Variants in MAGI1 observed in about 807,000 individuals in gnomAD.
The protein encoded by MAGI1 is membrane associated guanylate kinase, WW and PDZ domain containing 1.
A neutral mutation model predicts 139.9 loss-of-function variants in MAGI1; 58 were observed. That is an observed-to-expected ratio of 0.41 (90% confidence interval 0.34 to 0.52). MAGI1 has a LOEUF of 0.52. Among genes scored for constraint, MAGI1 ranks in the 20% least tolerant of loss-of-function variants. MAGI1 has a pLI of 0.12. For synonymous variants in MAGI1, 812 were observed against 737.9 expected, an observed-to-expected ratio of 1.10 and a Z score of -1.63; for missense variants, 1,874 against 1,901.6, an observed-to-expected ratio of 0.99 and a Z score of 0.27.
At chr3:65,956,122 G>C (rs2064115385) in intron 1 of MAGI1, among the ~76,000 whole-genome samples, 1 of 151,798 alleles carries the variant, frequency 6.6e-6, no homozygotes, top group Admixed American at 6.6e-5. Context: ...TAATGCTCTG[G>C]GTGAAATAAC....
chr3:65,682,213 C>A (rs2087640252), intron 1 of MAGI1, among the ~76,000 whole-genome samples: 1 of 152,068 alleles, frequency 6.6e-6, no homozygotes, highest in Admixed American at 6.6e-5. Context: ...GCATGCAAAG[C>A]CAGAAAAGGA....
At chr3:65,807,418 C>A (rs1250604637) in intron 1 of MAGI1, among the ~76,000 whole-genome samples, 3 of 152,188 alleles carry the variant, frequency 2.0e-5, no homozygotes, top group Admixed American at 2.0e-4. Flanking sequence ...GAGAGCTCCA[C>A]CCTCGTGACT....
At chr3:65,650,980 A>C (rs2085544168) in intron 1 of MAGI1, among the ~76,000 whole-genome samples, 1 of 152,224 alleles carries the variant, frequency 6.6e-6, no homozygotes, top group Non-Finnish European at 1.5e-5. Context: ...GTGTGTATAT[A>C]GTCAAAGTCT....
chr3:65,900,763 C>T (rs1363900264), intron 1 of MAGI1, among the ~76,000 whole-genome samples: 3 of 152,198 alleles, frequency 2.0e-5, no homozygotes, highest in African/African-American at 7.2e-5. Flanking sequence ...TCGCATAGAA[C>T]GCCATTACGC....
chr3:65,360,342 T>C, intron 22 of MAGI1: 2 of 979,080 alleles, frequency 2.0e-6, no homozygotes, highest in South Asian at 9.5e-5. Flanking sequence ...ATCTAGGGCA[T>C]AGCTTCTTCT....
chr3:65,445,237 C>T (rs1352721273), intron 7 of MAGI1, among the ~76,000 whole-genome samples: 3 of 152,170 alleles, frequency 2.0e-5, no homozygotes, highest in Non-Finnish European at 4.4e-5. Context: ...GGGCTACTTA[C>T]TTAACATCTC....
At chr3:65,554,908 C>T (rs927461008) in intron 2 of MAGI1, among the ~76,000 whole-genome samples, 21 of 152,132 alleles carry the variant, frequency 1.4e-4, no homozygotes, top group Non-Finnish European at 1.5e-5. Context: ...TCCTGCAACA[C>T]AAAAAGGACA....
chr3:65,359,296 T>C, intron 22 of MAGI1: 2 of 1,465,770 alleles, frequency 1.4e-6, no homozygotes, highest in South Asian at 2.9e-5. Flanking sequence ...AGAGAGTTTA[T>C]TTGTCCAGTC....
intron 1 of MAGI1, among the ~76,000 whole-genome samples, chr3:65,724,671 A>G (rs1019023976): frequency 6.6e-6 from 1 of 152,204 alleles, no homozygotes; most frequent in East Asian, 1.9e-4. Context: ...GGTAATTTAC[A>G]AAGGAAAGAG....
chr3:66,032,499 C>A (rs1333740708), intron 1 of MAGI1, among the ~76,000 whole-genome samples: 1 of 150,948 alleles, frequency 6.6e-6, no homozygotes, highest in Non-Finnish European at 1.5e-5. Flanking sequence ...GGATTACAGG[C>A]ATGAGCCACC....
In MAGI1 at chr3:65,390,990, A is replaced by G. The variant is rs1428777239; in HGVS notation, c.2416+152T>C. On this transcript the variant is annotated intron_variant, in intron 14 of 22. Transcript: ENST00000402939. ...AGTGGAGACTCCATGAATAGCCAGC[A>G]GAGTCCACTCCCTCTGTGATACTTT... 4.6e-6 allele frequency: 3 copies of G among 654,994 alleles called. No homozygotes were observed. The South Asian group carries it at 6.1e-5, about 13-fold the overall frequency. The allele number at this position is 654,994 out of a possible 1,614,324, so 40.6% of individuals were successfully genotyped here.
intron 1 of MAGI1, among the ~76,000 whole-genome samples, chr3:66,003,377 C>T (rs939314420): frequency 6.6e-6 from 1 of 152,068 alleles, no homozygotes; most frequent in Non-Finnish European, 1.5e-5. Flanking sequence ...AGAGGCAGGA[C>T]ATGCACGGTG....
At chr3:65,960,770 C>T (rs955061433) in intron 1 of MAGI1, among the ~76,000 whole-genome samples, 1 of 152,206 alleles carries the variant, frequency 6.6e-6, no homozygotes, top group Non-Finnish European at 1.5e-5. Flanking sequence ...TTCAACTCTT[C>T]CATTTCTGTC....
intron 1 of MAGI1, among the ~76,000 whole-genome samples, chr3:65,959,784 T>A (rs958129422): frequency 7.5e-6 from 1 of 133,672 alleles, no homozygotes; most frequent in African/African-American, 2.7e-5. Flanking sequence ...AATGGACAAA[T>A]AAATAAATTC....
intron 1 of MAGI1, among the ~76,000 whole-genome samples, chr3:65,699,756 T>C (rs184992426): frequency 0.15 from 21,128 of 139,326 alleles, 2,229 homozygotes; most frequent in Non-Finnish European, 0.24. Flanking sequence ...AGGGATAGCA[T>C]TGGGAGATAT....
At chr3:65,991,029 C>G (rs2107356923) in intron 1 of MAGI1, among the ~76,000 whole-genome samples, 1 of 152,050 alleles carries the variant, frequency 6.6e-6, no homozygotes, top group Non-Finnish European at 1.5e-5. Flanking sequence ...TGGCTCACAC[C>G]TGTAATCCCA....
rs1017454273 is a variant in MAGI1 at position 65,470,352 on chromosome 3, T to C, written c.890A>G (p.Asp297Gly). The change falls in exon 5 of 23, where the codon GAT becomes GGT. Residue 297 changes from aspartate to glycine, a missense_variant. By Grantham distance (94) the Asp-to-Gly change is moderately conservative. Transcript: ENST00000402939. ...GTTTTCAGGTAGAGGACCTAAATTATCCTCTGCAGAAAGAGGTAGGTATTG... is the reference window on the plus strand; with the variant it reads ...GTTTTCAGGTAGAGGACCTAAATTACCCTCTGCAGAAAGAGGTAGGTATTG... ...FPQYLPLSAE[D>G]NLGPLPENWE... 3 of 1,613,834 alleles carry C rather than the reference T, an allele frequency of 1.9e-6. No individual in the cohort carries two copies. The highest frequency in any genetic ancestry group is 2.5e-6 in the Non-Finnish European group (3 of 1,179,814).
At chr3:66,006,964 A>G (rs1287305753) in intron 1 of MAGI1, among the ~76,000 whole-genome samples, 2 of 151,956 alleles carry the variant, frequency 1.3e-5, no homozygotes, top group Non-Finnish European at 2.9e-5. Context: ...CCAAGTAGCT[A>G]GAACTACAGG....
In MAGI1 at chr3:65,514,509, GAC is replaced by G. The variant is rs1293371736; in HGVS notation, c.431-20880_431-20879del. 1.1e-4 allele frequency among the ~76,000 whole-genome samples: 17 copies of G among 150,588 alleles called. No individual in the cohort carries two copies. In the East Asian group the frequency reaches 3.3e-3, roughly 29 times the overall value. On this transcript the variant is annotated intron_variant, in intron 2 of 22. Transcript: ENST00000402939. Reference sequence around the variant, plus strand: ...AAAAACTGGGCGAATGACATGAACAGACACTTCTCAAAAGAAGACATTTATGC... The same window carrying G: ...AAAAACTGGGCGAATGACATGAACAGACTTCTCAAAAGAAGACATTTATGC...
Sources: allele counts gnomAD v4.1 joint callset (sites outside exome capture counted in the v4.1 genomes callset), GRCh38; gene constraint gnomAD v4.1.1; transcripts MANE v1.5; gene names NCBI Gene and HGNC (gene_info 2026-07-23, HGNC 2026-07-21).